The following PDXDC1 variants were observed in gnomAD, a reference collection of about 807,000 sequenced individuals.
PDXDC1 encodes pyridoxal dependent decarboxylase domain containing 1, also known as pyridoxal-dependent decarboxylase domain-containing protein 1.
In PDXDC1, 42 loss-of-function variants were observed where a neutral mutation model predicts 100.1. The observed-to-expected ratio is 0.42, with a 90% CI of 0.33 to 0.54. PDXDC1 has a LOEUF of 0.54. Among genes scored for constraint, PDXDC1 ranks in the 20% least tolerant of loss-of-function variants. The pLI, the probability that PDXDC1 is intolerant of heterozygous loss-of-function variation, is 0.10. For synonymous variants in PDXDC1, 260 were observed against 371.7 expected, an observed-to-expected ratio of 0.70 and a Z score of 3.46; for missense variants, 636 against 979.2, an observed-to-expected ratio of 0.65 and a Z score of 4.68.
At chr16:15,049,564 G>T (rs546834680) in intron 16 of PDXDC1, among the ~76,000 whole-genome samples, 3 of 152,216 alleles carry the variant, frequency 2.0e-5, no homozygotes, top group East Asian at 3.9e-4. Flanking sequence ...CAGTAGCTGG[G>T]ATTACAGGTG....
the PDXDC1 span, among the ~76,000 whole-genome samples, chr16:15,149,533 G>A: frequency 6.6e-6 from 1 of 152,204 alleles, no homozygotes; most frequent in Non-Finnish European, 1.5e-5. Flanking sequence ...GGTCGCTCCA[G>A]AATGACTGTC....
intron 16 of PDXDC1, among the ~76,000 whole-genome samples, chr16:15,117,710 A>C (rs1298767427): frequency 8.6e-6 from 1 of 116,254 alleles, no homozygotes; most frequent in African/African-American, 3.4e-5. Flanking sequence ...GAAAAGAAAA[A>C]AAAAAAAAAA....
At chr16:14,993,930 A>G (rs1159594319) in intron 1 of PDXDC1, among the ~76,000 whole-genome samples, 1 of 152,294 alleles carries the variant, frequency 6.6e-6, no homozygotes, top group Non-Finnish European at 1.5e-5. Flanking sequence ...TTTTGGCTGC[A>G]TAAATGTCTT....
In PDXDC1 at chr16:15,088,361, G is replaced by A. The variant is rs576510553; in HGVS notation, c.1400-50518G>A. Among the ~76,000 whole-genome samples the A allele has an allele frequency of 1.2e-4, 19 of 152,070 alleles. No individual in the cohort carries two copies. The South Asian group carries it at 3.5e-3, about 28-fold the overall frequency. On this transcript the variant is annotated intron_variant, in intron 16 of 16. Transcript: ENST00000535621. ...ACATGCTTGTGGTCCCAGATGCTCG[G>A]GAGCCTGAGGTGGGAAGATTGCTTG...
In PDXDC1 at chr16:15,133,438, G is replaced by C. The variant is rs1390112018; in HGVS notation, c.1400-5441G>C. ...TGGCCAGAGACCTACGAGCAGAGGGGGGTGGTGAGCAGGTGGCAGTCTCGG... is the reference window on the plus strand; with the variant it reads ...TGGCCAGAGACCTACGAGCAGAGGGCGGTGGTGAGCAGGTGGCAGTCTCGG... On this transcript the variant is annotated intron_variant, in intron 16 of 16. Coordinates refer to the PDXDC1 transcript ENST00000535621. 4.0e-5 allele frequency: 40 copies of C among 990,450 alleles called. No homozygotes were observed. In the East Asian group the frequency reaches 1.0e-3, roughly 25 times the overall value. 61.4% of individuals were successfully genotyped at this position (990,450 alleles called of 1,614,324 possible).
At chr16:15,012,596 A>G (rs2041410407) in intron 8 of PDXDC1, among the ~76,000 whole-genome samples, 1 of 152,284 alleles carries the variant, frequency 6.6e-6, no homozygotes, top group Non-Finnish European at 1.5e-5. Flanking sequence ...TGTAATCCCA[A>G]CACTTGGGAA....
At chr16:15,134,098 G>A in intron 16 of PDXDC1, 1 of 1,541,706 alleles carries the variant, frequency 6.5e-7, no homozygotes, top group South Asian at 1.1e-5. Flanking sequence ...GGGTGGTGAG[G>A]GGGCGCAACC....
At chr16:15,104,829 G>T (rs1265251310) in intron 16 of PDXDC1, 12 of 1,516,344 alleles carry the variant, frequency 7.9e-6, no homozygotes, top group Non-Finnish European at 1.1e-5. Flanking sequence ...CACCAACACA[G>T]TCTGCACCTT....
intron 1 of PDXDC1, among the ~76,000 whole-genome samples, chr16:14,996,595 CG>C (rs1210655272): frequency 3.3e-5 from 5 of 152,264 alleles, no homozygotes; most frequent in African/African-American, 1.2e-4. Flanking sequence ...GCAAAAAGTT[CG>C]GGCACAGTGG....
downstream of PDXDC1, among the ~76,000 whole-genome samples, chr16:15,141,852 C>T (rs1374886504): frequency 6.6e-6 from 1 of 152,168 alleles, no homozygotes; most frequent in Non-Finnish European, 1.5e-5. Flanking sequence ...GCACCATGCC[C>T]GAGGGGGAAC....
intron 16 of PDXDC1, chr16:15,104,393 C>G (rs2046687164): frequency 2.5e-6 from 4 of 1,595,222 alleles, no homozygotes; most frequent in Non-Finnish European, 3.4e-6. Flanking sequence ...GGGGAGTGAG[C>G]AGACACACTT....
rs1567750716 is a variant in PDXDC1, at chr16:15,038,258, C to T, written c.*1983C>T. 3.0e-6 allele frequency: 4 copies of T among 1,318,034 alleles called. No individual in the cohort carries two copies. In the South Asian group the frequency reaches 5.1e-5, roughly 17 times the overall value. 81.6% of individuals were successfully genotyped at this position (1,318,034 alleles called of 1,614,324 possible). On this transcript the variant is annotated 3_prime_UTR_variant, in exon 23 of 23. Transcript: ENST00000396410. Reference sequence around the variant, plus strand: ...ATTAGAGAAGCCAACCTTACTGTCCCCTGCTGTGATAAAGATGTCAAAGTA... The same window carrying T: ...ATTAGAGAAGCCAACCTTACTGTCCTCTGCTGTGATAAAGATGTCAAAGTA...
chr16:15,055,985 GCCCAGGCAGGCCCAGGGAGGCGGCGGCCC>G (rs1284005543), intron 16 of PDXDC1: 28 of 1,202,632 alleles, frequency 2.3e-5, no homozygotes, highest in Admixed American at 2.2e-4. Context: ...GGAGGCGGCC[GCCCAGGCAGGCCCAGGGAGGCGGCGGCCC>G]CCCGCTTTGC....
chr16:15,033,175 A>C, intron 18 of PDXDC1, 103 bp from the exon 19 acceptor site: 1 of 1,289,534 alleles, frequency 7.8e-7, no homozygotes. Context: ...TCCATGGAGG[A>C]GACCCCTTTG....
At chr16:15,068,093 A>T in intron 16 of PDXDC1, 1 of 1,499,756 alleles carries the variant, frequency 6.7e-7, no homozygotes, top group Non-Finnish European at 9.0e-7. Context: ...TAGAAATTTA[A>T]CACTCTTACA....
chr16:15,094,129 G>A (rs375563537), intron 16 of PDXDC1: 28 of 1,584,588 alleles, frequency 1.8e-5, no homozygotes, highest in Non-Finnish European at 2.4e-5. Flanking sequence ...GCAGAAGGAA[G>A]CGGCCTGAAT....
In PDXDC1 at chr16:15,094,045, C is replaced by A. The variant is rs531944499; in HGVS notation, c.1400-44834C>A. 2.1e-3 allele frequency: 2,297 copies of A among 1,080,160 alleles called. 5 individuals carry two copies. Among genetic ancestry groups the A allele is most frequent in the Non-Finnish European group, 2.5e-3 (1,797 of 719,272 alleles). The allele number at this position is 1,080,160 out of a possible 1,614,324, so 66.9% of individuals were successfully genotyped here. A position where few individuals can be genotyped will look rare whatever the true frequency, so the allele number is the denominator to read the frequency against. ...GACCCTCCACCCCGTGCTCCTATCA[C>A]ACGCCATGAGCTTTGTCCCACATCC... On this transcript the variant is annotated intron_variant, in intron 16 of 16. Coordinates refer to the PDXDC1 transcript ENST00000535621.
chr16:15,027,905 C>T (rs1337729790), intron 14 of PDXDC1, among the ~76,000 whole-genome samples: 1 of 152,286 alleles, frequency 6.6e-6, no homozygotes, highest in Non-Finnish European at 1.5e-5. Flanking sequence ...TCACCTAGGT[C>T]CGTGGGGGTA....
At chr16:15,082,441 G>C (rs1041989496) in intron 16 of PDXDC1, among the ~76,000 whole-genome samples, 4 of 152,110 alleles carry the variant, frequency 2.6e-5, no homozygotes, top group African/African-American at 7.2e-5. Context: ...GCGAGGTGGA[G>C]ACGGGTAGAT....
Sources: gnomAD v4.1 joint callset for allele counts (sites outside exome capture counted in the v4.1 genomes callset) on GRCh38, gnomAD v4.1.1 for gene constraint, MANE v1.5 for transcripts, NCBI Gene and HGNC (gene_info 2026-07-23, HGNC 2026-07-21) for gene names.